The following KTN1 variants were observed in gnomAD, a reference collection of about 807,000 sequenced individuals.
The protein encoded by KTN1 is kinectin.
KTN1 carries 130 observed loss-of-function variants against 222.5 expected under a neutral mutation model. The ratio of observed to expected loss-of-function variants is 0.58; its 90% confidence interval spans 0.51 to 0.68. The LOEUF is 0.68. Ranked by LOEUF, KTN1 falls within the 30% of genes least tolerant of loss-of-function variation. The pLI, the probability that KTN1 is intolerant of heterozygous loss-of-function variation, is 0.00. For synonymous variants in KTN1, 512 were observed against 496.3 expected (o/e 1.03, Z -0.42); for missense variants, 1,508 against 1,500.4 (o/e 1.01, Z -0.08).
intron 18 of KTN1, 32 bp downstream of exon 18, chr14:55,641,792 T>A: frequency 1.6e-6 from 2 of 1,254,436 alleles, no homozygotes; most frequent in Non-Finnish European, 2.3e-6. Flanking sequence ...AAAGTAGAAA[T>A]ACTTGTTATA....
intron 37 of KTN1, chr14:55,672,378 G>T (rs2045527691): frequency 3.0e-6 from 1 of 336,302 alleles, no homozygotes. Flanking sequence ...AAATACAGCT[G>T]AATATCAGTT....
At chr14:55,602,431 T>G (rs990088566) in intron 1 of KTN1, among the ~76,000 whole-genome samples, 2 of 152,202 alleles carry the variant, frequency 1.3e-5, no homozygotes, top group Admixed American at 6.5e-5. Flanking sequence ...GCAGTGAGAT[T>G]ATAAATTCAT....
intron 1 of KTN1, among the ~76,000 whole-genome samples, chr14:55,593,332 G>A (rs968465704): frequency 1.1e-4 from 17 of 150,500 alleles, no homozygotes; most frequent in African/African-American, 3.9e-4. Flanking sequence ...AAAAAAACTG[G>A]TTTTAATGTT....
chr14:55,590,089 T>G (rs1055177955), intron 1 of KTN1, among the ~76,000 whole-genome samples: 1 of 152,218 alleles, frequency 6.6e-6, no homozygotes, highest in African/African-American at 2.4e-5. Flanking sequence ...GACTTTTCTT[T>G]TTGGGGAAAA....
In KTN1 at chr14:55,675,833, A is replaced by T; in HGVS notation, c.3772-2A>T. The T allele has an allele frequency of 6.3e-7, 1 of 1,593,624 alleles. No individual in the cohort carries two copies. The highest frequency in any genetic ancestry group is 8.6e-7 in the Non-Finnish European group (1 of 1,162,052). On this transcript the variant is annotated splice_acceptor_variant, in intron 40 of 43. Transcript: ENST00000395314. LOFTEE classifies it high-confidence loss of function. Reference sequence around the variant, plus strand: ...AATTGTGGTGTTCCTTTATTTTTACAGTTGAAGGCACAGTTAAATGAAACA... The same window carrying T: ...AATTGTGGTGTTCCTTTATTTTTACTGTTGAAGGCACAGTTAAATGAAACA...
chr14:55,609,029 T>C (rs1253265566), intron 1 of KTN1, among the ~76,000 whole-genome samples: 2 of 150,622 alleles, frequency 1.3e-5, no homozygotes, highest in Non-Finnish European at 3.0e-5. Context: ...TTCTTCTTTT[T>C]TATTCTTCTA....
At chr14:55,664,614 G>C (rs1358255291) in intron 33 of KTN1, among the ~76,000 whole-genome samples, 2 of 151,996 alleles carry the variant, frequency 1.3e-5, no homozygotes, top group Non-Finnish European at 2.9e-5. Flanking sequence ...TACTATCAAG[G>C]GATAATTCTC....
At position 55,641,115 on chromosome 14, in the gene KTN1, T is replaced by C. The variant is rs1219601936; in HGVS notation, c.2022-12T>C. 6.4e-7 allele frequency: 1 copy of C among 1,557,316 alleles called. No individual in the cohort carries two copies. Among genetic ancestry groups the C allele is most frequent in the African/African-American group, 1.4e-5 (1 of 72,562 alleles). ...GTATGAAGTATTTTAATTTTTTTTTTCACCCTCATAGTGTTTATGTTAAAG... is the reference window on the plus strand; with the variant it reads ...GTATGAAGTATTTTAATTTTTTTTTCCACCCTCATAGTGTTTATGTTAAAG... On this transcript the variant is annotated splice_polypyrimidine_tract_variant and intron_variant, in intron 16 of 43. Transcript: ENST00000395314.
At chr14:55,634,438 G>A (rs1442736376) in intron 8 of KTN1, 88 bp from the exon 9 acceptor site, 26 of 1,238,432 alleles carry the variant, frequency 2.1e-5, no homozygotes, top group Non-Finnish European at 2.6e-5. Flanking sequence ...TACTAGCTCA[G>A]CTCAGCAAAA....
intron 1 of KTN1, among the ~76,000 whole-genome samples, chr14:55,590,219 C>G (rs995846800): frequency 1.3e-5 from 2 of 152,126 alleles, no homozygotes; most frequent in Admixed American, 6.6e-5. Flanking sequence ...ACATTTATCT[C>G]TTCCTACTTG....
chr14:55,660,282 G>C (rs1007895045), intron 31 of KTN1, among the ~76,000 whole-genome samples: 3 of 151,796 alleles, frequency 2.0e-5, no homozygotes, highest in Non-Finnish European at 4.4e-5. Flanking sequence ...GGAGGCTGAA[G>C]TGGGAGGATC....
chr14:55,646,356 G>GA (rs149994056), intron 18 of KTN1, among the ~76,000 whole-genome samples: 4 of 148,638 alleles, frequency 2.7e-5, no homozygotes, highest in Non-Finnish European at 6.1e-5. Context: ...CCTTAGTATA[G>GA]AAAAAAAATC....
chr14:55,603,981 T>C (rs2036363458), intron 1 of KTN1, among the ~76,000 whole-genome samples: 1 of 152,334 alleles, frequency 6.6e-6, no homozygotes, highest in East Asian at 1.9e-4. Flanking sequence ...TCTCACCTGC[T>C]ACCATCATCT....
chr14:55,674,693 T>G (rs1435967858), intron 40 of KTN1: 2 of 152,172 alleles, frequency 1.3e-5, no homozygotes, highest in Non-Finnish European at 2.9e-5. Context: ...AGTTACATGG[T>G]TACATCTCCA....
At chr14:55,602,591 T>C (rs1397383238) in intron 1 of KTN1, among the ~76,000 whole-genome samples, 1 of 152,076 alleles carries the variant, frequency 6.6e-6, no homozygotes, top group Non-Finnish European at 1.5e-5. Context: ...CTGTCTTTTT[T>C]TTTTTTTTGA....
intron 1 of KTN1, among the ~76,000 whole-genome samples, chr14:55,611,181 A>G (rs2037502751): frequency 6.6e-6 from 1 of 151,982 alleles, no homozygotes; most frequent in Admixed American, 6.6e-5. Context: ...TCGACTTCAA[A>G]GGCTCAGGTG....
chr14:55,612,711 A>G, intron 2 of KTN1, 140 bp downstream of exon 2: 2 of 721,042 alleles, frequency 2.8e-6, no homozygotes, highest in Non-Finnish European at 2.1e-6. Context: ...TGTTTGCTTC[A>G]TTAACATTAA....
At chr14:55,655,344 C>T (rs2043360145) in intron 28 of KTN1, among the ~76,000 whole-genome samples, 2 of 152,182 alleles carry the variant, frequency 1.3e-5, no homozygotes. Flanking sequence ...ATTTATCTCA[C>T]TCTTCATGTA....
intron 1 of KTN1, among the ~76,000 whole-genome samples, chr14:55,608,888 C>T (rs2037144586): frequency 6.6e-6 from 1 of 152,040 alleles, no homozygotes; most frequent in African/African-American, 2.4e-5. Context: ...CCTCGGCCTC[C>T]CAAAGTGCTG....
Sources: gnomAD v4.1 joint callset for allele counts (sites outside exome capture counted in the v4.1 genomes callset) on GRCh38, gnomAD v4.1.1 for gene constraint, MANE v1.5 for transcripts, NCBI Gene and HGNC (gene_info 2026-07-23, HGNC 2026-07-21) for gene names.